Variants in ATP5PO observed in about 807,000 individuals in gnomAD.
ATP5PO encodes the protein ATP synthase peripheral stalk subunit OSCP.
In ATP5PO, 14 loss-of-function variants were observed where a neutral mutation model predicts 26.2. The observed-to-expected ratio is 0.53, with a 90% CI of 0.35 to 0.83. The LOEUF is 0.83. ATP5PO is among the 40% of genes least tolerant of loss of function. ATP5PO has a pLI of 0.01. For missense variants in ATP5PO, 241 were observed against 258.5 expected (o/e 0.93, Z 0.46); for synonymous variants, 106 against 95.1 (o/e 1.12, Z -0.67).
chr21:33,913,375 GA>G lies in ATP5PO; in HGVS notation c.88-977del, dbSNP rs549851891. Among the ~76,000 whole-genome samples the G allele has an allele frequency of 3.3e-4, 50 of 152,286 alleles. No individual in the cohort carries two copies. In the South Asian group the frequency reaches 1.0e-2, roughly 30 times the overall value. The stretch of plus-strand genomic sequence containing the variant: ...ACTGGCTCACTGTTGATTTGGTGGG[GA>G]AAAGCGTGGGTAGTATAGTCTGCCC... On this transcript the variant is annotated intron_variant, in intron 2 of 6. Transcript: ENST00000290299.
At chr21:33,909,399 C>G (rs1301164009) in intron 3 of ATP5PO, among the ~76,000 whole-genome samples, 188 bp from the exon 4 acceptor site, 1 of 151,868 alleles carries the variant, frequency 6.6e-6, no homozygotes, top group Admixed American at 6.6e-5. Context: ...CCTGCCTCAG[C>G]CTCCCGAATA....
At chr21:33,913,970 G>C (rs1011000560) in intron 2 of ATP5PO, among the ~76,000 whole-genome samples, 2 of 152,040 alleles carry the variant, frequency 1.3e-5, no homozygotes, top group Non-Finnish European at 2.9e-5. Flanking sequence ...AGTAGAGATG[G>C]GGTTTCATCA....
intron 3 of ATP5PO, among the ~76,000 whole-genome samples, chr21:33,911,165 T>C (rs1569367326): frequency 6.6e-6 from 1 of 152,190 alleles, no homozygotes; most frequent in African/African-American, 2.4e-5. Context: ...AGCAACAGAA[T>C]GTGTAGAAAC....
chr21:33,911,324 C>T (rs1987243970), intron 3 of ATP5PO, among the ~76,000 whole-genome samples: 1 of 152,268 alleles, frequency 6.6e-6, no homozygotes, highest in African/African-American at 2.4e-5. Context: ...ACAGTCTTTG[C>T]CTGTCAGTCC....
At chr21:33,915,250 A>T (rs1314080019) in intron 1 of ATP5PO, 1 of 163,250 alleles carries the variant, frequency 6.1e-6, no homozygotes, top group Non-Finnish European at 1.3e-5. Flanking sequence ...TTCAAATCTC[A>T]ATTCTACCAC....
In ATP5PO at chr21:33,910,210, C is replaced by T. The variant is rs534632788; in HGVS notation, c.199-999G>A. Among the ~76,000 whole-genome samples, 19 of 152,286 alleles carry T rather than the reference C, an allele frequency of 1.2e-4. No individual in the cohort carries two copies. In the South Asian group the frequency reaches 3.5e-3, roughly 28 times the overall value. On this transcript the variant is annotated intron_variant, in intron 3 of 6. Coordinates refer to ENST00000290299, the MANE Select transcript of ATP5PO (RefSeq NM_001697.3). ...CACACCTCTCTATGCTTTTCAATTA[C>T]GCTCCTAGCACCTCCTCCCAGGCTC... is the stretch of plus-strand genomic sequence containing the variant.
At chr21:33,912,003 T>C (rs527492366) in intron 3 of ATP5PO, among the ~76,000 whole-genome samples, 8 of 152,306 alleles carry the variant, frequency 5.3e-5, no homozygotes, top group Middle Eastern at 3.4e-3. Context: ...AATTCTCTTC[T>C]GAAATAGCAA....
intron 3 of ATP5PO, among the ~76,000 whole-genome samples, chr21:33,911,476 T>TG (rs1987245775): frequency 6.6e-6 from 1 of 152,154 alleles, no homozygotes; most frequent in African/African-American, 2.4e-5. Flanking sequence ...TGGTTACTTC[T>TG]GGGGTTCTGG....
chr21:33,908,369 A>G (rs1987203400), intron 4 of ATP5PO, among the ~76,000 whole-genome samples: 1 of 152,126 alleles, frequency 6.6e-6, no homozygotes, highest in Admixed American at 6.5e-5. Flanking sequence ...GATATCATGA[A>G]CACACTTTCT....
At chr21:33,908,699 ACT>A in intron 4 of ATP5PO, 1 of 158,336 alleles carries the variant, frequency 6.3e-6, no homozygotes, top group Non-Finnish European at 1.4e-5. Context: ...ACAGAGTAAG[ACT>A]CTGTCTCAAA....
At position 33,907,332 on chromosome 21, in the gene ATP5PO, G is replaced by A. The variant is rs761927067; in HGVS notation, c.441+9C>T. 31 of 1,588,938 alleles carry A rather than the reference G, an allele frequency of 2.0e-5. No homozygotes were observed. The highest frequency in any genetic ancestry group is 4.1e-5 in the African/African-American group (3 of 73,996). On this transcript the variant is annotated intron_variant, in intron 5 of 6. Transcript: ENST00000290299. ...AAGGCAAACACAGCAGCAACAACCCGTTACTTACAGATGCAGAGGTCACTG... is the reference window on the plus strand; with the variant it reads ...AAGGCAAACACAGCAGCAACAACCCATTACTTACAGATGCAGAGGTCACTG...
Position 33,914,586 on chromosome 21 carries a change from TAA to T in ATP5PO, c.37-88_37-87del. ...CTCAATAACAACAAAAAATTTTAAATAACCTTAAAATCATTACTTTTGTCTCT... is the reference window on the plus strand; with the variant it reads ...CTCAATAACAACAAAAAATTTTAAATCCTTAAAATCATTACTTTTGTCTCT... On this transcript the variant is annotated intron_variant, in intron 1 of 6. Coordinates refer to ENST00000290299, the MANE Select transcript of ATP5PO (RefSeq NM_001697.3). 1.5e-5 allele frequency: 19 copies of T among 1,237,394 alleles called. No individual in the cohort carries two copies. The South Asian group carries it at 2.4e-4, about 16-fold the overall frequency. The allele number at this position is 1,237,394 out of a possible 1,614,324, so 76.7% of individuals were successfully genotyped here.
intron 2 of ATP5PO, among the ~76,000 whole-genome samples, chr21:33,912,987 A>G (rs1987268861): frequency 1.3e-5 from 2 of 152,196 alleles, no homozygotes; most frequent in African/African-American, 4.8e-5. Context: ...TCTACCATCA[A>G]TGTATGACTA....
At chr21:33,913,500 T>C (rs1987274932) in intron 2 of ATP5PO, among the ~76,000 whole-genome samples, 3 of 152,176 alleles carry the variant, frequency 2.0e-5, no homozygotes, top group East Asian at 1.9e-4. Context: ...AAATAACCCA[T>C]AGAAATGGAA....
chr21:33,913,153 A>C (rs1987270873), intron 2 of ATP5PO, among the ~76,000 whole-genome samples: 1 of 152,168 alleles, frequency 6.6e-6, no homozygotes, highest in South Asian at 2.1e-4. Context: ...AAGACCAGTT[A>C]CTCCTTAACA....
chr21:33,914,362 T>C (rs1324424018), intron 2 of ATP5PO, 88 bp downstream of exon 2: 7 of 1,337,610 alleles, frequency 5.2e-6, no homozygotes, highest in Non-Finnish European at 7.4e-6. Flanking sequence ...AGATAGTAAC[T>C]ACACAAAAAT....
At chr21:33,915,551 G>A in intron 1 of ATP5PO, 177 bp downstream of exon 1, 1 of 942,698 alleles carries the variant, frequency 1.1e-6, no homozygotes, top group Admixed American at 3.1e-5. Flanking sequence ...CTGCCCCGTA[G>A]GCATCCCGGG....
intron 2 of ATP5PO, among the ~76,000 whole-genome samples, chr21:33,913,604 A>G (rs1987276122): frequency 6.6e-6 from 1 of 152,182 alleles, no homozygotes; most frequent in African/African-American, 2.4e-5. Flanking sequence ...ATGTGTCACT[A>G]ATAGTCCTCT....
chr21:33,907,196 G>A (rs62226669), intron 5 of ATP5PO, 145 bp downstream of exon 5: 132,774 of 681,212 alleles, frequency 0.19, 13,771 homozygotes, highest in Non-Finnish European at 0.22. Flanking sequence ...GGTCACAGAA[G>A]CTGATATAAA....
Sources: allele counts gnomAD v4.1 joint callset (sites outside exome capture counted in the v4.1 genomes callset), GRCh38; gene constraint gnomAD v4.1.1; transcripts MANE v1.5; gene names NCBI Gene and HGNC (gene_info 2026-07-23, HGNC 2026-07-21).